Variants in COQ8A observed in about 807,000 individuals in gnomAD.
COQ8A encodes the protein coenzyme Q8A, also known as atypical kinase COQ8A, mitochondrial.
COQ8A carries 51 observed loss-of-function variants against 65.0 expected under a neutral mutation model. The observed-to-expected ratio is 0.78, with a 90% CI of 0.63 to 0.99. COQ8A has a LOEUF of 0.99. Ranked by LOEUF, COQ8A falls within the 50% of genes least tolerant of loss-of-function variation. The probability of loss-of-function intolerance (pLI) is 0.00; values close to 1 mark genes in which losing one functional copy is unlikely to be tolerated. For missense variants in COQ8A, 940 were observed against 875.0 expected, an observed-to-expected ratio of 1.07 and a Z score of -0.94; for synonymous variants, 371 against 353.2, an observed-to-expected ratio of 1.05 and a Z score of -0.57.
At chr1:226,944,690 CCT>C (rs1328323213) in intron 1 of COQ8A, among the ~76,000 whole-genome samples, 1 of 109,092 alleles carries the variant, frequency 9.2e-6, no homozygotes, top group East Asian at 3.1e-4. Flanking sequence ...GGAGTTGTAC[CCT>C]GAGAGAGAGA....
intron 1 of COQ8A, among the ~76,000 whole-genome samples, chr1:226,953,589 T>C (rs1305009836): frequency 6.6e-6 from 1 of 152,150 alleles, no homozygotes. Flanking sequence ...GCTCCTGGGC[T>C]CCCGCTGTGA....
chr1:226,954,096 A>C (rs2148022153), intron 1 of COQ8A, among the ~76,000 whole-genome samples: 1 of 152,390 alleles, frequency 6.6e-6, no homozygotes, highest in South Asian at 2.1e-4. Flanking sequence ...CCAGCCCCTC[A>C]GGGTATCCTG....
chr1:226,944,974 G>A (rs1375092409), intron 1 of COQ8A, among the ~76,000 whole-genome samples: 1 of 152,146 alleles, frequency 6.6e-6, no homozygotes, highest in Non-Finnish European at 1.5e-5. Flanking sequence ...AGACAGCAGG[G>A]TTGGTCTGCC....
intron 5 of COQ8A, among the ~76,000 whole-genome samples, 177 bp from the exon 6 acceptor site, chr1:226,981,850 T>C (rs1037186782): frequency 2.0e-5 from 3 of 152,232 alleles, no homozygotes; most frequent in African/African-American, 7.2e-5. Flanking sequence ...GGCCTGGGCA[T>C]GTGGCTCACA....
chr1:226,944,810 A>T (rs947164039), intron 1 of COQ8A, among the ~76,000 whole-genome samples: 1 of 148,124 alleles, frequency 6.8e-6, no homozygotes, highest in African/African-American at 2.5e-5. Context: ...TATGTGTAGA[A>T]GGGAGGCAGG....
At position 226,965,253 on chromosome 1, in the gene COQ8A, G is replaced by A; in HGVS notation, c.431G>A (p.Arg144Lys). ...ASSPLGRANG[R>K]LFANPRDSFS... ...TCCCCTCTGGGCAGGGCCAACGGGA[G>A]GCTCTTTGCAAACCCCAGAGACTCA... The change falls in exon 3 of 15, where the codon AGG (arginine) becomes AAG (lysine). Residue 144 changes from arginine to lysine, a missense_variant. Transcript: ENST00000366777. 1 of 1,614,028 alleles carries A rather than the reference G, an allele frequency of 6.2e-7. No individual in the cohort carries two copies. The highest frequency in any genetic ancestry group is 1.1e-5 in the South Asian group (1 of 91,076).
At position 226,983,852 on chromosome 1, in the gene COQ8A, C is replaced by G. The variant is rs1572082090; in HGVS notation, c.1254C>G (p.Phe418Leu). Residue 418 changes from phenylalanine (F) to leucine (L), a missense_variant and splice_region_variant, in exon 10 of 15, where the codon TTC becomes TTG. Coordinates refer to ENST00000366777, the MANE Select transcript of COQ8A (RefSeq NM_020247.5). ...GAGAGGCCGCCTGTGCCCGCAAGTT[C>G]AGGTGTGGCCCCCGGCCGGGCCCCT... is the stretch of plus-strand genomic sequence containing the variant. ...YQREAACARK[F>L]RDLLKGHPFF... 6.2e-7 allele frequency: 1 copy of G among 1,609,150 alleles called. No homozygotes were observed. The highest frequency in any genetic ancestry group is 8.5e-7 in the Non-Finnish European group (1 of 1,179,524).
chr1:226,983,540 A>T lies in COQ8A; in HGVS notation c.1081-12A>T, dbSNP rs768981236. Reference sequence around the variant, plus strand: ...CTGGGCTAACTCCCCTGCCTCACCCATACCCCCACAGTACCCTGGCGTGGC... The same window carrying T: ...CTGGGCTAACTCCCCTGCCTCACCCTTACCCCCACAGTACCCTGGCGTGGC... On this transcript the variant is annotated splice_polypyrimidine_tract_variant and intron_variant, in intron 8 of 14. Transcript: ENST00000366777. 1 of 1,613,362 alleles carries T rather than the reference A, an allele frequency of 6.2e-7. No individual in the cohort carries two copies. The highest frequency in any genetic ancestry group is 8.5e-7 in the Non-Finnish European group (1 of 1,179,654).
In COQ8A at chr1:226,983,854, G is replaced by A. The variant is rs546015164; in HGVS notation, c.1256G>A (p.Arg419Lys). 6.8e-6 allele frequency: 11 copies of A among 1,608,868 alleles called. No homozygotes were observed. The highest frequency in any genetic ancestry group is 9.3e-6 in the Non-Finnish European group (11 of 1,179,414). Residue 419 changes from arginine (R) to lysine (K), a missense_variant and splice_region_variant, in exon 10 of 15, where the codon AGG (arginine) becomes AAG (lysine). Physicochemically the swap from Arg to Lys is conservative, Grantham distance 26 (BLOSUM62 2). Transcript: ENST00000366777. ...GAGGCCGCCTGTGCCCGCAAGTTCA[G>A]GTGTGGCCCCCGGCCGGGCCCCTTG... ...QREAACARKFRDLLKGHPFFY... is the reference protein window; with the variant it reads ...QREAACARKFKDLLKGHPFFY...
At chr1:226,945,996 C>T (rs978232217) in intron 1 of COQ8A, among the ~76,000 whole-genome samples, 5 of 152,066 alleles carry the variant, frequency 3.3e-5, no homozygotes, top group Admixed American at 2.6e-4. Flanking sequence ...TGCTCAGCCT[C>T]CTCGGTGGTC....
At chr1:226,978,533 C>T (rs1659442944) in intron 5 of COQ8A, among the ~76,000 whole-genome samples, 1 of 98,432 alleles carries the variant, frequency 1.0e-5, no homozygotes, top group Non-Finnish European at 2.8e-5. Flanking sequence ...CTGAACACTG[C>T]ACCTCCTTAC....
At chr1:226,943,241 C>G (rs1656809305) in intron 1 of COQ8A, among the ~76,000 whole-genome samples, 1 of 152,244 alleles carries the variant, frequency 6.6e-6, no homozygotes, top group African/African-American at 2.4e-5. Flanking sequence ...GAGTCATTAT[C>G]TTTGTCCGTT....
intron 4 of COQ8A, among the ~76,000 whole-genome samples, chr1:226,966,322 G>T (rs749663358): frequency 6.6e-6 from 1 of 152,184 alleles, no homozygotes; most frequent in African/African-American, 2.4e-5. Flanking sequence ...GTACACATGC[G>T]CTCTTTTTAT....
intron 1 of COQ8A, among the ~76,000 whole-genome samples, chr1:226,951,986 A>T (rs986716917): frequency 6.6e-6 from 1 of 152,198 alleles, no homozygotes; most frequent in Non-Finnish European, 1.5e-5. Context: ...GTTGCAAAAG[A>T]TGTGGTCACT....
chr1:226,960,084 G>C (rs1658062738), intron 1 of COQ8A, among the ~76,000 whole-genome samples: 1 of 145,580 alleles, frequency 6.9e-6, no homozygotes, highest in Non-Finnish European at 1.5e-5. Flanking sequence ...GTACTTGGTG[G>C]TGGTGGTGGT....
At position 226,968,029 on chromosome 1, in the gene COQ8A, A is replaced by C. The variant is rs529361596; in HGVS notation, c.655+2292A>C. 3.7e-3 allele frequency among the ~76,000 whole-genome samples: 562 copies of C among 152,328 alleles called. 3 individuals are homozygous for C. The highest frequency in any genetic ancestry group is 0.013 in the African/African-American group (543 of 41,570). On this transcript the variant is annotated intron_variant, in intron 4 of 14. Coordinates refer to ENST00000366777, the MANE Select transcript of COQ8A (RefSeq NM_020247.5). ...GTTATGACCCTTTAGTAACTGTGAA[A>C]TTAATTTAATGCATCAGGATCAGCA...
intron 8 of COQ8A, 25 bp from the exon 9 acceptor site, chr1:226,983,527 C>T (rs2148129904): frequency 1.9e-6 from 3 of 1,610,320 alleles, no homozygotes; most frequent in East Asian, 4.5e-5. Flanking sequence ...GGGCTAACTC[C>T]CCTGCCTCAC....
intron 1 of COQ8A, among the ~76,000 whole-genome samples, chr1:226,940,924 A>G (rs1463304373): frequency 6.6e-6 from 1 of 151,988 alleles, no homozygotes; most frequent in African/African-American, 2.4e-5. Context: ...ATTTTGTGTG[A>G]ACTTGGGACA....
intron 1 of COQ8A, chr1:226,958,019 C>T (rs1657916890): frequency 6.6e-6 from 1 of 152,142 alleles, no homozygotes; most frequent in Admixed American, 6.5e-5. Context: ...TATCACGGTT[C>T]TTTTTCTCTC....
Sources: gnomAD v4.1 joint callset for allele counts (sites outside exome capture counted in the v4.1 genomes callset) on GRCh38, gnomAD v4.1.1 for gene constraint, MANE v1.5 for transcripts, NCBI Gene and HGNC (gene_info 2026-07-23, HGNC 2026-07-21) for gene names.